SLC35F6: variants seen among roughly 807,000 people sequenced by gnomAD.
The protein encoded by SLC35F6 is solute carrier family 35 member F6, also known as ANT2-binding protein.
In SLC35F6, 26 loss-of-function variants were observed where a neutral mutation model predicts 29.4. That is an observed-to-expected ratio of 0.89 (90% CI 0.65 to 1.23). SLC35F6 has a LOEUF of 1.23. Ranked by LOEUF, SLC35F6 falls within the 50% of genes most tolerant of loss-of-function variation. The pLI is 0.00. For synonymous variants in SLC35F6, 174 were observed against 206.6 expected, an observed-to-expected ratio of 0.84 and a Z score of 1.35; for missense variants, 428 against 487.8, an observed-to-expected ratio of 0.88 and a Z score of 1.15.
chr2:26,771,668 T>A (rs1163972027), intron 1 of SLC35F6, among the ~76,000 whole-genome samples: 3 of 152,180 alleles, frequency 2.0e-5, no homozygotes, highest in Non-Finnish European at 4.4e-5. Context: ...CAACAGCATA[T>A]CAGGCAGAAA....
At chr2:26,770,797 T>C (rs1664184383) in intron 1 of SLC35F6, among the ~76,000 whole-genome samples, 1 of 152,106 alleles carries the variant, frequency 6.6e-6, no homozygotes, top group Non-Finnish European at 1.5e-5. Flanking sequence ...GCTGCCCACC[T>C]TAGGGGTCAC....
intron 1 of SLC35F6, among the ~76,000 whole-genome samples, chr2:26,766,150 G>A (rs535556421): frequency 3.3e-5 from 5 of 152,284 alleles, no homozygotes; most frequent in African/African-American, 1.2e-4. Flanking sequence ...CTGACAGCTG[G>A]TGTGGGGCCT....
rs749890764 is a variant in SLC35F6, at chr2:26,775,610, G to A, written c.469G>A (p.Val157Ile). 6.2e-7 allele frequency: 1 copy of A among 1,606,320 alleles called. No homozygotes were observed. The highest frequency in any genetic ancestry group is 1.1e-5 in the South Asian group (1 of 89,870). The stretch of plus-strand genomic sequence containing the variant: ...CCTAGCCACCATCGCGGGGCTGGTG[G>A]TCGTGGGCCTGGCTGACCTCCTGAG... The part of the protein sequence containing the change: ...GILATIAGLV[V>I]VGLADLLSKH... Residue 157 changes from valine (V) to isoleucine (I), a missense_variant, in exon 4 of 6, where the codon GTC (valine) becomes ATC (isoleucine). Transcript: ENST00000344420. This position sits in a 1 kb window ranked among gnomAD's most constrained non-coding sequence, Gnocchi z 4.6.
In SLC35F6 at chr2:26,778,539, C is replaced by A; in HGVS notation, c.*28C>A. ...TTCCCTGGAGGCTTCTACTGCCACCCGGGTGCTCCTTCTCCCTGAGACTGA... is the reference window on the plus strand; with the variant it reads ...TTCCCTGGAGGCTTCTACTGCCACCAGGGTGCTCCTTCTCCCTGAGACTGA... On this transcript the variant is annotated 3_prime_UTR_variant, in exon 6 of 6. Transcript: ENST00000344420. 3.9e-6 allele frequency: 6 copies of A among 1,543,128 alleles called. No homozygotes were observed. The highest frequency in any genetic ancestry group is 2.3e-5 in the East Asian group (1 of 43,648).
rs1664053339 is a variant in SLC35F6, at chr2:26,764,302, G to A, written c.-48G>A. ...AGCGCTCGCGCAGGAGACCCCGGGT[G>A]ACGGGGCCCGGCGCCGCTAACTGGA... On this transcript the variant is annotated 5_prime_UTR_variant, in exon 1 of 6. Coordinates refer to ENST00000344420, the MANE Select transcript of SLC35F6 (RefSeq NM_017877.4). 6.5e-7 allele frequency: 1 copy of A among 1,544,986 alleles called. No individual in the cohort carries two copies. Among genetic ancestry groups the A allele is most frequent in the Non-Finnish European group, 8.7e-7 (1 of 1,144,130 alleles).
chr2:26,768,844 T>C (rs1664140805), intron 1 of SLC35F6, among the ~76,000 whole-genome samples: 1 of 151,870 alleles, frequency 6.6e-6, no homozygotes, highest in African/African-American at 2.4e-5. Flanking sequence ...CGTCTTGCCA[T>C]GTTTCCTAGG....
intron 5 of SLC35F6, 62 bp from the exon 6 acceptor site, chr2:26,777,980 G>A (rs919357412): frequency 2.3e-5 from 35 of 1,499,128 alleles, no homozygotes; most frequent in South Asian, 8.7e-5. Context: ...AGGCTAAGCC[G>A]GTGGGCTGTG....
intron 1 of SLC35F6, among the ~76,000 whole-genome samples, chr2:26,773,086 A>G (rs1401532232): frequency 4.6e-5 from 7 of 152,188 alleles, no homozygotes; most frequent in Admixed American, 3.3e-4. Context: ...GTCATTTCCC[A>G]GGACCCAAAT....
In SLC35F6 at chr2:26,778,554, C is replaced by T; in HGVS notation, c.*43C>T. Reference sequence around the variant, plus strand: ...TACTGCCACCCGGGTGCTCCTTCTCCCTGAGACTGAGGCCACACAGGCTGG... The same window carrying T: ...TACTGCCACCCGGGTGCTCCTTCTCTCTGAGACTGAGGCCACACAGGCTGG... On this transcript the variant is annotated 3_prime_UTR_variant, in exon 6 of 6. Transcript: ENST00000344420. The T allele has an allele frequency of 6.6e-7, 1 of 1,510,178 alleles. No homozygotes were observed. Among genetic ancestry groups the T allele is most frequent in the Non-Finnish European group, 8.8e-7 (1 of 1,132,476 alleles). 93.5% of individuals were successfully genotyped at this position (1,510,178 alleles called of 1,614,324 possible).
In SLC35F6 at chr2:26,775,277, T is replaced by G. The variant is rs1572634096; in HGVS notation, c.322+62T>G. 4 of 1,571,352 alleles carry G rather than the reference T, an allele frequency of 2.5e-6. No individual in the cohort carries two copies. Among genetic ancestry groups the G allele is most frequent in the Non-Finnish European group, 3.5e-6 (4 of 1,157,746 alleles). On this transcript the variant is annotated intron_variant, in intron 3 of 5. Transcript: ENST00000344420. This position sits in a 1 kb window ranked among gnomAD's most constrained non-coding sequence, Gnocchi z 4.6. ...AAGCTGTGGCTGAAGGGGCTACTGGTGAAACAGCCCTATCCCACCCACCTC... is the reference window on the plus strand; with the variant it reads ...AAGCTGTGGCTGAAGGGGCTACTGGGGAAACAGCCCTATCCCACCCACCTC...
At position 26,778,033 on chromosome 2, in the gene SLC35F6, A is replaced by G. The variant is rs1242156643; in HGVS notation, c.647-9A>G. The G allele has an allele frequency of 6.2e-7, 1 of 1,603,072 alleles. No homozygotes were observed. Among genetic ancestry groups the G allele is most frequent in the Non-Finnish European group, 8.5e-7 (1 of 1,172,740 alleles). Reference sequence around the variant, plus strand: ...GGTGGAGAGTGTAACTGTTTCCTCTACTCCCCAGGCCTCTTTGGCTTTGTG... The same window carrying G: ...GGTGGAGAGTGTAACTGTTTCCTCTGCTCCCCAGGCCTCTTTGGCTTTGTG... On this transcript the variant is annotated splice_polypyrimidine_tract_variant and intron_variant, in intron 5 of 5. Transcript: ENST00000344420.
intron 5 of SLC35F6, among the ~76,000 whole-genome samples, chr2:26,776,695 G>C (rs1340502610): frequency 6.6e-6 from 1 of 152,202 alleles, no homozygotes; most frequent in Non-Finnish European, 1.5e-5. Flanking sequence ...CCCTTCAGAG[G>C]AGGTGACCAG....
intron 1 of SLC35F6, among the ~76,000 whole-genome samples, chr2:26,770,227 A>G (rs1455616399): frequency 2.0e-5 from 3 of 152,108 alleles, no homozygotes; most frequent in African/African-American, 4.8e-5. Context: ...CAGCATAAAC[A>G]AGGCTGCATC....
intron 1 of SLC35F6, 115 bp downstream of exon 1, chr2:26,764,541 T>C: frequency 7.4e-7 from 1 of 1,343,000 alleles, no homozygotes; most frequent in Non-Finnish European, 1.0e-6. Context: ...CTTGCTCCGG[T>C]CAGTTCGCGC....
chr2:26,764,501 C>G, intron 1 of SLC35F6, 75 bp downstream of exon 1: 1 of 1,513,486 alleles, frequency 6.6e-7, no homozygotes, highest in Non-Finnish European at 9.0e-7. Context: ...CCTTCTTGGC[C>G]CTGCCCTCCT....
Position 26,775,156 on chromosome 2 carries a change from CTCT to C in SLC35F6, c.268_270del (p.Leu90del). The C allele has an allele frequency of 6.2e-7, 1 of 1,614,118 alleles. No homozygotes were observed. Among genetic ancestry groups the C allele is most frequent in the African/African-American group, 1.3e-5 (1 of 75,036 alleles). ...GTAGACCCCCAGCAGCCCTTCAACC[CTCT>C]TCTTTTCCTGCCCCCAGCGCTCTGT... is the stretch of plus-strand genomic sequence containing the variant. On this transcript the variant is annotated inframe_deletion, in exon 3 of 6. Coordinates refer to ENST00000344420, the MANE Select transcript of SLC35F6 (RefSeq NM_017877.4). This position sits in a 1 kb window ranked among gnomAD's most constrained non-coding sequence, Gnocchi z 4.6.
chr2:26,770,173 G>C (rs1664168730), intron 1 of SLC35F6, among the ~76,000 whole-genome samples: 1 of 152,186 alleles, frequency 6.6e-6, no homozygotes, highest in African/African-American at 2.4e-5. Context: ...GGGAGGCTGA[G>C]GCAGGTCAAT....
chr2:26,778,575 G>A lies in SLC35F6; in HGVS notation c.*64G>A. Reference sequence around the variant, plus strand: ...TCTCCCTGAGACTGAGGCCACACAGGCTGGTGGGCCCCGAATGCCCTATCC... The same window carrying A: ...TCTCCCTGAGACTGAGGCCACACAGACTGGTGGGCCCCGAATGCCCTATCC... On this transcript the variant is annotated 3_prime_UTR_variant, in exon 6 of 6. Coordinates refer to ENST00000344420, the MANE Select transcript of SLC35F6 (RefSeq NM_017877.4). 2.1e-6 allele frequency: 3 copies of A among 1,450,856 alleles called. No homozygotes were observed. Among genetic ancestry groups the A allele is most frequent in the Non-Finnish European group, 2.7e-6 (3 of 1,095,692 alleles). The allele number at this position is 1,450,856 out of a possible 1,614,324, so 89.9% of individuals were successfully genotyped here.
At position 26,778,607 on chromosome 2, in the gene SLC35F6, C is replaced by T; in HGVS notation, c.*96C>T. ...GGCCCCGAATGCCCTATCCCCAAGGCCTCACCCTGTCCCCTCCCTGCAGAA... is the reference window on the plus strand; with the variant it reads ...GGCCCCGAATGCCCTATCCCCAAGGTCTCACCCTGTCCCCTCCCTGCAGAA... On this transcript the variant is annotated 3_prime_UTR_variant, in exon 6 of 6. Coordinates refer to ENST00000344420, the MANE Select transcript of SLC35F6 (RefSeq NM_017877.4). The T allele has an allele frequency of 8.2e-7, 1 of 1,213,562 alleles. No individual in the cohort carries two copies. The highest frequency in any genetic ancestry group is 1.1e-6 in the Non-Finnish European group (1 of 893,958). 75.2% of individuals were successfully genotyped at this position (1,213,562 alleles called of 1,614,324 possible).
Sources: gnomAD v4.1 joint callset for allele counts (sites outside exome capture counted in the v4.1 genomes callset) on GRCh38, gnomAD v4.1.1 for gene constraint, Gnocchi (gnomAD v3.1) non-coding constraint, MANE v1.5 for transcripts, NCBI Gene and HGNC (gene_info 2026-07-23, HGNC 2026-07-21) for gene names.